CNTNAP5: variants seen among roughly 807,000 people sequenced by gnomAD.
CNTNAP5 encodes contactin associated protein family member 5.
A neutral mutation model predicts 150.2 loss-of-function variants in CNTNAP5; 72 were observed. That is an observed-to-expected ratio of 0.48 (90% CI 0.40 to 0.58). The LOEUF (loss-of-function observed/expected upper bound fraction) is 0.58, where lower values mean the gene tolerates loss of function less well. CNTNAP5 is among the 20% of genes least tolerant of loss of function. CNTNAP5 has a pLI of 0.00. For missense variants in CNTNAP5, 1,636 were observed against 1,626.2 expected (o/e 1.01, Z -0.10); for synonymous variants, 672 against 619.8 (o/e 1.08, Z -1.25).
At chr2:124,362,286 G>T (rs1423942613) in intron 3 of CNTNAP5, among the ~76,000 whole-genome samples, 1 of 152,188 alleles carries the variant, frequency 6.6e-6, no homozygotes, top group Non-Finnish European at 1.5e-5. Context: ...CGCTCACGCT[G>T]GGAGCTGTAG....
At chr2:124,733,816 A>C (rs1680325382) in intron 13 of CNTNAP5, among the ~76,000 whole-genome samples, 1 of 152,206 alleles carries the variant, frequency 6.6e-6, no homozygotes, top group South Asian at 2.1e-4. Flanking sequence ...GGCAGGACAC[A>C]GTGAGCCCAC....
At chr2:124,365,007 C>A (rs1055142838) in intron 3 of CNTNAP5, among the ~76,000 whole-genome samples, 71 of 152,134 alleles carry the variant, frequency 4.7e-4, no homozygotes, top group Non-Finnish European at 8.8e-4. Flanking sequence ...AAACTATTGG[C>A]CATAGAGTTG....
chr2:124,159,973 A>T (rs1684635119), intron 1 of CNTNAP5, among the ~76,000 whole-genome samples: 1 of 152,208 alleles, frequency 6.6e-6, no homozygotes, highest in Non-Finnish European at 1.5e-5. Flanking sequence ...TTTTTTACAG[A>T]TATTGTTTAT....
chr2:124,408,176 G>C (rs545669325), intron 3 of CNTNAP5, among the ~76,000 whole-genome samples: 3 of 152,172 alleles, frequency 2.0e-5, no homozygotes, highest in Admixed American at 2.0e-4. Context: ...CTTTTCCGAC[G>C]GGCTTAAAAA....
intron 21 of CNTNAP5, among the ~76,000 whole-genome samples, chr2:124,890,832 A>T (rs1678178600): frequency 6.6e-6 from 1 of 152,140 alleles, no homozygotes; most frequent in African/African-American, 2.4e-5. Context: ...AGCCTTAGTC[A>T]TAAGCTGGTA....
At chr2:124,213,583 A>G (rs1446890704) in intron 1 of CNTNAP5, among the ~76,000 whole-genome samples, 1 of 152,218 alleles carries the variant, frequency 6.6e-6, no homozygotes, top group Non-Finnish European at 1.5e-5. Context: ...TTAGCTCATT[A>G]TATTTGTCAC....
At chr2:124,734,450 C>T (rs1472165630) in intron 13 of CNTNAP5, among the ~76,000 whole-genome samples, 6 of 151,926 alleles carry the variant, frequency 3.9e-5, no homozygotes, top group Non-Finnish European at 8.8e-5. Context: ...AATGATGGAA[C>T]AGAGTTTGCT....
chr2:124,604,711 T>C (rs1049606195), intron 11 of CNTNAP5, among the ~76,000 whole-genome samples: 2 of 152,178 alleles, frequency 1.3e-5, no homozygotes, highest in African/African-American at 2.4e-5. Context: ...TATGAACTCA[T>C]TTACAGTGTC....
chr2:124,239,267 C>T (rs753944692), intron 2 of CNTNAP5, among the ~76,000 whole-genome samples: 9 of 152,004 alleles, frequency 5.9e-5, no homozygotes, highest in Non-Finnish European at 1.3e-4. Flanking sequence ...AGCTAAATTT[C>T]TTGTCAATTT....
At chr2:124,773,049 A>T in intron 17 of CNTNAP5, 32 bp downstream of exon 17, 1 of 1,561,404 alleles carries the variant, frequency 6.4e-7, no homozygotes, top group Non-Finnish European at 8.8e-7. Context: ...CTTTTGTGCT[A>T]AACCCTGCAA....
intron 19 of CNTNAP5, among the ~76,000 whole-genome samples, chr2:124,844,832 A>C (rs1194702988): frequency 4.6e-5 from 7 of 152,078 alleles, no homozygotes; most frequent in Admixed American, 6.6e-5. Context: ...TGTATCCTGA[A>C]ACTTTGCTGA....
intron 1 of CNTNAP5, among the ~76,000 whole-genome samples, chr2:124,076,299 C>A (rs1194101965): frequency 1.3e-5 from 2 of 152,150 alleles, no homozygotes; most frequent in East Asian, 3.9e-4. Flanking sequence ...ATCAAGAACT[C>A]TACCTCCTGC....
Position 124,372,973 on chromosome 2 carries a change from G to T in CNTNAP5, c.382-44470G>T, listed in dbSNP as rs1690565050. 5.9e-5 allele frequency among the ~76,000 whole-genome samples: 9 copies of T among 152,184 alleles called. No individual in the cohort carries two copies. The South Asian group carries it at 1.7e-3, about 28-fold the overall frequency. On this transcript the variant is annotated intron_variant, in intron 3 of 23. Transcript: ENST00000682447. ...TGGTTGAAGCACACTTGAGGAACTT[G>T]ACATAGATATAAAAGACAAAGATGA...
chr2:124,461,218 A>G (rs1007786676), intron 6 of CNTNAP5, among the ~76,000 whole-genome samples: 1 of 152,148 alleles, frequency 6.6e-6, no homozygotes, highest in Non-Finnish European at 1.5e-5. Flanking sequence ...CTATAAAGAC[A>G]CATGCAGACG....
At chr2:124,540,825 A>T (rs936822427) in intron 10 of CNTNAP5, among the ~76,000 whole-genome samples, 5 of 152,182 alleles carry the variant, frequency 3.3e-5, no homozygotes, top group Admixed American at 6.5e-5. Flanking sequence ...GGAAGGACAC[A>T]CATTTGAACC....
chr2:124,565,879 G>A (rs978331710), intron 11 of CNTNAP5, among the ~76,000 whole-genome samples: 2 of 151,706 alleles, frequency 1.3e-5, no homozygotes, highest in African/African-American at 2.4e-5. Flanking sequence ...GATTACAGGC[G>A]TGAGCCACCA....
chr2:124,071,356 G>A (rs1397512789), intron 1 of CNTNAP5, among the ~76,000 whole-genome samples: 2 of 151,496 alleles, frequency 1.3e-5, no homozygotes, highest in Non-Finnish European at 3.0e-5. Flanking sequence ...AAAGATTGGG[G>A]CACAAATAAA....
chr2:124,781,824 C>A (rs574061635), intron 17 of CNTNAP5, among the ~76,000 whole-genome samples: 1 of 152,318 alleles, frequency 6.6e-6, no homozygotes, highest in African/African-American at 2.4e-5. Flanking sequence ...AAGGACCGTT[C>A]TTTTCTACCT....
At chr2:124,520,380 A>T (rs1020989832) in intron 8 of CNTNAP5, among the ~76,000 whole-genome samples, 1 of 152,350 alleles carries the variant, frequency 6.6e-6, no homozygotes, top group East Asian at 1.9e-4. Flanking sequence ...TCTTCAGAAT[A>T]AAATTCACAG....
Sources: gnomAD v4.1 joint callset for allele counts (sites outside exome capture counted in the v4.1 genomes callset) on GRCh38, gnomAD v4.1.1 for gene constraint, MANE v1.5 for transcripts, NCBI Gene and HGNC (gene_info 2026-07-23, HGNC 2026-07-21) for gene names.